Variants in PRKD1 observed in about 807,000 individuals in gnomAD.
PRKD1 encodes the protein protein kinase D1.
PRKD1 carries 63 observed loss-of-function variants against 95.9 expected under a neutral mutation model. The observed-to-expected ratio is 0.66, with a 90% CI of 0.54 to 0.81. The LOEUF is 0.81. PRKD1 is among the 30% of genes least tolerant of loss of function. The probability of loss-of-function intolerance (pLI) is 0.00; values close to 1 mark genes in which losing one functional copy is unlikely to be tolerated. For missense variants in PRKD1, 1,048 were observed against 1,165.3 expected, an observed-to-expected ratio of 0.90 and a Z score of 1.47; for synonymous variants, 425 against 423.1, an observed-to-expected ratio of 1.00 and a Z score of -0.05.
At chr14:29,781,114 G>T (rs958351142) in intron 1 of PRKD1, among the ~76,000 whole-genome samples, 1 of 128,630 alleles carries the variant, frequency 7.8e-6, no homozygotes, top group Non-Finnish European at 1.6e-5. Flanking sequence ...ACAGGAAGGG[G>T]AACATCACAC....
rs539273114 is a variant in PRKD1, at chr14:29,737,191, G to A, written c.265-11517C>T. On this transcript the variant is annotated intron_variant, in intron 1 of 17. Coordinates refer to ENST00000331968, the MANE Select transcript of PRKD1 (RefSeq NM_002742.3). Reference sequence around the variant, plus strand: ...CAAAAAATTAGCCGGGCGCGGTGGCGGGCGCCTGTAGTCCCAGCTACTGGG... The same window carrying A: ...CAAAAAATTAGCCGGGCGCGGTGGCAGGCGCCTGTAGTCCCAGCTACTGGG... Among the ~76,000 whole-genome samples the A allele has an allele frequency of 2.9e-4, 43 of 150,584 alleles. No individual in the cohort carries two copies. The East Asian group carries it at 7.7e-3, about 27-fold the overall frequency.
intron 1 of PRKD1, among the ~76,000 whole-genome samples, chr14:29,790,363 AG>A (rs1408473137): frequency 6.6e-6 from 1 of 152,184 alleles, no homozygotes; most frequent in Non-Finnish European, 1.5e-5. Flanking sequence ...GCTAAAAAAA[AG>A]ATTCATAATT....
chr14:29,675,274 A>G (rs1883090006), intron 2 of PRKD1, among the ~76,000 whole-genome samples: 1 of 152,220 alleles, frequency 6.6e-6, no homozygotes, highest in Non-Finnish European at 1.5e-5. Flanking sequence ...TATTGAGATA[A>G]TAACTTATAT....
chr14:29,846,517 C>A (rs1208678234), intron 1 of PRKD1, among the ~76,000 whole-genome samples: 1 of 152,078 alleles, frequency 6.6e-6, no homozygotes, highest in African/African-American at 2.4e-5. Context: ...CTGGAAGGAG[C>A]AAGGAGGGAA....
intron 7 of PRKD1, among the ~76,000 whole-genome samples, chr14:29,635,641 T>G (rs1375080103): frequency 4.6e-5 from 7 of 152,156 alleles, no homozygotes; most frequent in Non-Finnish European, 1.0e-4. Context: ...ATAAATATTT[T>G]AGTTTTTGCA....
intron 13 of PRKD1, 90 bp from the exon 14 acceptor site, chr14:29,599,907 G>C: frequency 8.6e-7 from 1 of 1,162,356 alleles, no homozygotes; most frequent in East Asian, 2.5e-5. Flanking sequence ...TTCAAGCTTA[G>C]AGCTATAGAG....
At chr14:29,807,618 A>G (rs759470048) in intron 1 of PRKD1, among the ~76,000 whole-genome samples, 9 of 151,668 alleles carry the variant, frequency 5.9e-5, no homozygotes, top group Non-Finnish European at 1.2e-4. Flanking sequence ...GGCTGGTCTC[A>G]CACTTCTTGA....
intron 3 of PRKD1, among the ~76,000 whole-genome samples, chr14:29,664,154 T>A (rs1170547032): frequency 1.3e-5 from 2 of 152,146 alleles, no homozygotes; most frequent in African/African-American, 4.8e-5. Context: ...TCAAATTAGA[T>A]AATCTGAGCC....
At chr14:29,826,404 A>ATGATGGAATATATATATACATATATG (rs1891115064) in intron 1 of PRKD1, among the ~76,000 whole-genome samples, 1 of 93,916 alleles carries the variant, frequency 1.1e-5, no homozygotes, top group Non-Finnish European at 1.9e-5. Flanking sequence ...ATACATATAT[A>ATGATGGAATATATATATACATATATG]TGATGGAATA....
intron 1 of PRKD1, among the ~76,000 whole-genome samples, chr14:29,757,453 A>G (rs1310588719): frequency 6.6e-6 from 1 of 152,104 alleles, no homozygotes; most frequent in African/African-American, 2.4e-5. Flanking sequence ...AGCTGAGCAA[A>G]GAGAGAAGAG....
At chr14:29,591,897 T>G (rs1893143339) in intron 16 of PRKD1, among the ~76,000 whole-genome samples, 1 of 152,120 alleles carries the variant, frequency 6.6e-6, no homozygotes, top group Non-Finnish European at 1.5e-5. Context: ...TTCTTGTTCT[T>G]GTTTCTAAAA....
intron 1 of PRKD1, among the ~76,000 whole-genome samples, chr14:29,893,234 A>T (rs943447915): frequency 6.6e-6 from 1 of 152,160 alleles, no homozygotes; most frequent in Non-Finnish European, 1.5e-5. Context: ...TTTAAAGATC[A>T]GATTTCCAAA....
chr14:29,730,982 CTAAGA>C (rs1886406127), intron 1 of PRKD1, among the ~76,000 whole-genome samples: 1 of 151,406 alleles, frequency 6.6e-6, no homozygotes, highest in African/African-American at 2.4e-5. Context: ...TTGAAAGTCA[CTAAGA>C]TAATAGAAAA....
At chr14:29,604,687 G>C (rs986561643) in intron 13 of PRKD1, among the ~76,000 whole-genome samples, 4 of 152,102 alleles carry the variant, frequency 2.6e-5, no homozygotes, top group Non-Finnish European at 4.4e-5. Flanking sequence ...TTCATGTCAA[G>C]GTCTTAGAAA....
chr14:29,806,111 A>G (rs908532994), intron 1 of PRKD1, among the ~76,000 whole-genome samples: 6 of 152,164 alleles, frequency 3.9e-5, no homozygotes, highest in Non-Finnish European at 5.9e-5. Flanking sequence ...AGCGGATCTC[A>G]TCAACCACTG....
intron 2 of PRKD1, among the ~76,000 whole-genome samples, chr14:29,678,994 G>T (rs1883382730): frequency 6.6e-6 from 1 of 152,156 alleles, no homozygotes; most frequent in African/African-American, 2.4e-5. Flanking sequence ...AAAGCTGCCT[G>T]TTAATCAGAA....
At position 29,599,735 on chromosome 14, in the gene PRKD1, T is replaced by A; in HGVS notation, c.1988A>T (p.His663Leu). Residue 663 changes from histidine to leucine, a missense_variant, in exon 14 of 18, where the codon CAT becomes CTT. Physicochemically the swap from His to Leu is moderately conservative, Grantham distance 99. Around this residue, in one of 3 missense-constraint regions of PRKD1, gnomAD observed 739 missense variants for 861.9 expected, o/e 0.86. Transcript: ENST00000331968. ...ERVFVVMEKL[H>L]GDMLEMILSS... ...CAAGATCATTTCCAGCATGTCTCCATGGAGTTTTTCCATAACAACAAACAC... is the reference window on the plus strand; with the variant it reads ...CAAGATCATTTCCAGCATGTCTCCAAGGAGTTTTTCCATAACAACAAACAC... The A allele has an allele frequency of 6.2e-7, 1 of 1,613,548 alleles. No individual in the cohort carries two copies. The highest frequency in any genetic ancestry group is 8.5e-7 in the Non-Finnish European group (1 of 1,179,744).
chr14:29,658,286 T>C (rs1031090752), intron 4 of PRKD1, among the ~76,000 whole-genome samples: 3 of 152,204 alleles, frequency 2.0e-5, no homozygotes, highest in South Asian at 2.1e-4. Flanking sequence ...CTCTAAGTTA[T>C]TGTTTCCCAA....
intron 1 of PRKD1, among the ~76,000 whole-genome samples, chr14:29,851,994 A>G (rs1159926719): frequency 2.6e-5 from 4 of 152,162 alleles, no homozygotes; most frequent in African/African-American, 9.7e-5. Flanking sequence ...AAAACCACAT[A>G]CTTCATGTTC....
Sources: gnomAD v4.1 joint callset for allele counts (sites outside exome capture counted in the v4.1 genomes callset) on GRCh38, gnomAD v4.1.1 for gene constraint, gnomAD v4.1.1 regional missense constraint, MANE v1.5 for transcripts, NCBI Gene and HGNC (gene_info 2026-07-23, HGNC 2026-07-21) for gene names.